GLIPR1L2: variants seen among roughly 807,000 people sequenced by gnomAD.
GLIPR1L2 encodes GLIPR1 like 2.
A neutral mutation model predicts 28.4 loss-of-function variants in GLIPR1L2; 21 were observed. The ratio of observed to expected loss-of-function variants is 0.74; its 90% CI spans 0.52 to 1.06. The LOEUF is 1.06. GLIPR1L2 is among the 50% of genes least tolerant of loss of function. The pLI is 0.00. For synonymous variants in GLIPR1L2, 145 were observed against 139.3 expected, an observed-to-expected ratio of 1.04 and a Z score of -0.29; for missense variants, 476 against 416.9, an observed-to-expected ratio of 1.14 and a Z score of -1.23.
chr12:75,396,314 C>G (rs1484400194), intron 1 of GLIPR1L2, among the ~76,000 whole-genome samples: 1 of 152,108 alleles, frequency 6.6e-6, no homozygotes, highest in Non-Finnish European at 1.5e-5. Context: ...CAGGTACTCA[C>G]CACCACGCCC....
chr12:75,417,843 C>T (rs1351661860), intron 3 of GLIPR1L2, among the ~76,000 whole-genome samples: 2 of 151,870 alleles, frequency 1.3e-5, no homozygotes, highest in Non-Finnish European at 2.9e-5. Context: ...AAAACTCACA[C>T]ATTTTAAGTA....
At position 75,431,382 on chromosome 12, in the gene GLIPR1L2, A is replaced by T. The variant is rs899352001; in HGVS notation, c.*221A>T. ...AAAAACATGTAAGGTGGGCTCTTTG[A>T]CACTAAGAACAGATAAAGACATGAC... On this transcript the variant is annotated 3_prime_UTR_variant, in exon 6 of 6. Transcript: ENST00000550916. 2 of 423,238 alleles carry T rather than the reference A, an allele frequency of 4.7e-6. No individual in the cohort carries two copies. Among genetic ancestry groups the T allele is most frequent in the Non-Finnish European group, 8.3e-6 (2 of 241,150 alleles). 26.2% of individuals were successfully genotyped at this position (423,238 alleles called of 1,614,324 possible). A position where few individuals can be genotyped will look rare whatever the true frequency, so the allele number is the denominator to read the frequency against.
In GLIPR1L2 at chr12:75,422,916, G is replaced by A. The variant is rs776067780; in HGVS notation, c.597G>A (p.Thr199=). 14 of 1,608,590 alleles carry A rather than the reference G, an allele frequency of 8.7e-6. No homozygotes were observed. The highest frequency in any genetic ancestry group is 1.6e-4 in the Middle Eastern group (1 of 6,068). ...ICNYAPGGTL[T]RRPYEPGIFC... is the part of the protein sequence containing the mutation. ...TTTTTGTTTGTAGAGGAACACTGAC[G>A]AGAAGACCTTATGAACCAGGAATAT... The change falls in exon 4 of 6, where the codon ACG becomes ACA. Residue 199 remains threonine (T), a synonymous_variant. Transcript: ENST00000550916.
intron 2 of GLIPR1L2, among the ~76,000 whole-genome samples, chr12:75,411,560 C>CCTAG (rs2045868036): frequency 6.6e-6 from 1 of 151,620 alleles, no homozygotes; most frequent in Non-Finnish European, 1.5e-5. Flanking sequence ...TCCTATCAAA[C>CCTAG]CTAGCCTCTT....
chr12:75,430,312 A>C (rs578250876), intron 4 of GLIPR1L2, among the ~76,000 whole-genome samples: 20 of 152,338 alleles, frequency 1.3e-4, no homozygotes, highest in African/African-American at 4.8e-4. Context: ...AATAAGAATT[A>C]AATGAGGAAA....
Position 75,430,931 on chromosome 12 carries a change from A to G in GLIPR1L2, c.805A>G (p.Ile269Val), listed in dbSNP as rs749917015. The G allele has an allele frequency of 1.4e-5, 22 of 1,535,500 alleles. No individual in the cohort carries two copies. The South Asian group carries it at 1.8e-4, about 12-fold the overall frequency. Reference protein sequence around the residue: ...LRILCFILCVITVLIVQSQFP... With the variant: ...LRILCFILCVVTVLIVQSQFP... ...AATATTATGTTTTATCCTGTGTGTC[A>G]TAACTGTTTTGATAGTACAGTCTCA... is the stretch of plus-strand genomic sequence containing the variant. The change falls in exon 6 of 6, where the codon ATA (isoleucine) becomes GTA (valine). Residue 269 changes from isoleucine (I) to valine (V), a missense_variant. Ile to Val is a conservative substitution (Grantham distance 29, BLOSUM62 3). Coordinates refer to ENST00000550916, the MANE Select transcript of GLIPR1L2 (RefSeq NM_001270396.2).
chr12:75,405,846 G>T (rs1028277094), intron 1 of GLIPR1L2, among the ~76,000 whole-genome samples: 1 of 151,920 alleles, frequency 6.6e-6, no homozygotes, highest in Non-Finnish European at 1.5e-5. Context: ...AAGACCAAAT[G>T]GTTTTATTTA....
chr12:75,416,099 C>G (rs759695935), intron 3 of GLIPR1L2, among the ~76,000 whole-genome samples: 2 of 151,896 alleles, frequency 1.3e-5, no homozygotes, highest in Non-Finnish European at 2.9e-5. Flanking sequence ...GAAGGTGGAG[C>G]TAATAATACA....
chr12:75,408,708 A>T (rs1032108734), intron 1 of GLIPR1L2, among the ~76,000 whole-genome samples: 2 of 152,026 alleles, frequency 1.3e-5, no homozygotes, highest in Non-Finnish European at 2.9e-5. Context: ...AAATCTAGTT[A>T]TGTTAATATG....
intron 3 of GLIPR1L2, among the ~76,000 whole-genome samples, chr12:75,417,685 G>A (rs2045936391): frequency 6.6e-6 from 1 of 151,686 alleles, no homozygotes; most frequent in Non-Finnish European, 1.5e-5. Flanking sequence ...AAGAGCCAAG[G>A]AAAGAGAAAT....
intron 1 of GLIPR1L2, among the ~76,000 whole-genome samples, chr12:75,396,963 T>A (rs1280523823): frequency 1.3e-5 from 2 of 152,218 alleles, no homozygotes; most frequent in Admixed American, 6.5e-5. Flanking sequence ...TCAGGACTTT[T>A]CTTTTTAATC....
At chr12:75,391,425 G>A (rs899723517) in intron 1 of GLIPR1L2, 75 bp downstream of exon 1, 1 of 1,601,764 alleles carries the variant, frequency 6.2e-7, no homozygotes, top group Non-Finnish European at 8.5e-7. Context: ...GGGTAGTTGG[G>A]GCCACTGCTC....
At chr12:75,418,331 C>T (rs2045943561) in intron 3 of GLIPR1L2, among the ~76,000 whole-genome samples, 2 of 152,026 alleles carry the variant, frequency 1.3e-5, no homozygotes, top group Admixed American at 6.6e-5. Flanking sequence ...ACATAAAAGA[C>T]TTAAACATTA....
Position 75,429,938 on chromosome 12 carries a change from C to CTTTTTTT in GLIPR1L2, c.671-767_671-761dup, listed in dbSNP as rs34354324. Among the ~76,000 whole-genome samples, 25 of 128,642 alleles carry CTTTTTTT rather than the reference C, an allele frequency of 1.9e-4. 2 individuals carry two copies. Among genetic ancestry groups the CTTTTTTT allele is most frequent in the Admixed American group, 2.4e-4 (3 of 12,480 alleles). The allele number at this position is 128,642 out of a possible 152,430, so 84.4% of individuals were successfully genotyped here. On this transcript the variant is annotated intron_variant, in intron 4 of 5. Coordinates refer to ENST00000550916, the MANE Select transcript of GLIPR1L2 (RefSeq NM_001270396.2). Reference sequence around the variant, plus strand: ...CCTTTTCTTTTCTTTTCTTTTCTTTCTTTTTTTTTTTTTTTTGAGACAGAG... The same window carrying CTTTTTTT: ...CCTTTTCTTTTCTTTTCTTTTCTTTCTTTTTTTTTTTTTTTTTTTTTTTGAGACAGAG...
chr12:75,413,229 A>T (rs2139947472), intron 2 of GLIPR1L2, among the ~76,000 whole-genome samples: 1 of 151,926 alleles, frequency 6.6e-6, no homozygotes, highest in South Asian at 2.1e-4. Context: ...TAGCATTAGG[A>T]GATATACCTA....
chr12:75,393,724 C>G (rs536223418), intron 1 of GLIPR1L2, among the ~76,000 whole-genome samples: 64 of 152,006 alleles, frequency 4.2e-4, no homozygotes, highest in African/African-American at 1.5e-3. Flanking sequence ...TTTATCTGCT[C>G]CAGTTCCTGA....
In GLIPR1L2 at chr12:75,422,905, G is replaced by A; in HGVS notation, c.586G>A (p.Gly196Arg). The A allele has an allele frequency of 6.2e-7, 1 of 1,600,816 alleles. No homozygotes were observed. ...AIFICNYAPG[G>R]TLTRRPYEPG... ...TGTTTTCTGCTTTTTTGTTTGTAGA[G>A]GAACACTGACGAGAAGACCTTATGA... The change falls in exon 4 of 6, where the codon GGA becomes AGA. Residue 196 changes from glycine to arginine, a missense_variant and splice_region_variant. Physicochemically the swap from Gly to Arg is moderately radical, Grantham distance 125 (BLOSUM62 -2). Coordinates refer to ENST00000550916, the MANE Select transcript of GLIPR1L2 (RefSeq NM_001270396.2).
intron 2 of GLIPR1L2, among the ~76,000 whole-genome samples, chr12:75,412,935 G>A (rs1343164092): frequency 1.3e-5 from 2 of 151,946 alleles, no homozygotes; most frequent in Non-Finnish European, 2.9e-5. Flanking sequence ...GCAAAGACTT[G>A]GAACCAACCC....
In GLIPR1L2 at chr12:75,430,727, G is replaced by A. The variant is rs553185397; in HGVS notation, c.683G>A (p.Arg228His). The part of the protein sequence containing the change: ...CTDFLCSNAD[R>H]DQATYYRFWY... The stretch of plus-strand genomic sequence containing the variant: ...TTTTTCTTTCTAGGTAATGCAGATC[G>A]TGACCAAGCCACATGTATGTATTGT... Residue 228 changes from arginine to histidine, a missense_variant, in exon 5 of 6, where the codon CGT becomes CAT. Physicochemically the swap from Arg to His is conservative, Grantham distance 29 (BLOSUM62 0). Transcript: ENST00000550916. The A allele has an allele frequency of 5.7e-5, 87 of 1,534,438 alleles. No individual in the cohort carries two copies. The highest frequency in any genetic ancestry group is 5.0e-4 in the Middle Eastern group (3 of 5,974).
Sources: allele counts gnomAD v4.1 joint callset (sites outside exome capture counted in the v4.1 genomes callset), GRCh38; gene constraint gnomAD v4.1.1; transcripts MANE v1.5; gene names NCBI Gene and HGNC (gene_info 2026-07-23, HGNC 2026-07-21).